The following TRPC6 variants were observed in gnomAD, a reference collection of about 807,000 sequenced individuals.
TRPC6 encodes the protein short transient receptor potential channel 6.
TRPC6 carries 55 observed loss-of-function variants against 90.7 expected under a neutral mutation model. The ratio of observed to expected loss-of-function variants is 0.61; its 90% confidence interval spans 0.49 to 0.76. TRPC6 has a LOEUF of 0.76. Ranked by LOEUF, TRPC6 falls within the 30% of genes least tolerant of loss-of-function variation. The probability of loss-of-function intolerance (pLI) is 0.00; values close to 1 mark genes in which losing one functional copy is unlikely to be tolerated. For missense variants in TRPC6, 989 were observed against 1,122.7 expected (o/e 0.88, Z 1.70); for synonymous variants, 393 against 393.0 (o/e 1.00, Z 0.00).
intron 1 of TRPC6, among the ~76,000 whole-genome samples, chr11:101,543,284 A>T (rs1006965907): frequency 2.0e-5 from 3 of 152,102 alleles, no homozygotes; most frequent in Non-Finnish European, 2.9e-5. Flanking sequence ...CCATTTTGAA[A>T]AGCACTTTGG....
chr11:101,548,381 A>G (rs1240218222), intron 1 of TRPC6, among the ~76,000 whole-genome samples: 1 of 143,566 alleles, frequency 7.0e-6, no homozygotes, highest in African/African-American at 2.5e-5. Flanking sequence ...TATAATATAT[A>G]AATATATTAT....
At chr11:101,500,850 T>C (rs1294560604) in intron 2 of TRPC6, among the ~76,000 whole-genome samples, 1 of 152,128 alleles carries the variant, frequency 6.6e-6, no homozygotes, top group Non-Finnish European at 1.5e-5. Flanking sequence ...AAAGAAGATG[T>C]TGTTCGCTTA....
At chr11:101,470,019 A>G (rs1212689436) in intron 9 of TRPC6, among the ~76,000 whole-genome samples, 2 of 152,226 alleles carry the variant, frequency 1.3e-5, no homozygotes, top group African/African-American at 4.8e-5. Context: ...TGCAGGAATT[A>G]CAACATTTTC....
intron 1 of TRPC6, among the ~76,000 whole-genome samples, chr11:101,567,769 G>A (rs868546074): frequency 2.6e-5 from 4 of 152,200 alleles, no homozygotes; most frequent in Non-Finnish European, 2.9e-5. Flanking sequence ...AACCTGCAGC[G>A]GAGGGGCCTG....
chr11:101,505,429 G>C (rs996179611), intron 1 of TRPC6, among the ~76,000 whole-genome samples: 1 of 152,140 alleles, frequency 6.6e-6, no homozygotes, highest in Admixed American at 6.5e-5. Flanking sequence ...GAGAGAAAAT[G>C]ACAAGCTGAA....
rs573799892 is a variant in TRPC6 at position 101,464,086 on chromosome 11, G to T, written c.2484+5341C>A. On this transcript the variant is annotated intron_variant, in intron 10 of 12. Coordinates refer to ENST00000344327, the MANE Select transcript of TRPC6 (RefSeq NM_004621.6). ...TTACCCAGTAGTCATTCAGGAGCAGGTTGTTCAGTTTCTATGTAGTTGTGC... is the reference window on the plus strand; with the variant it reads ...TTACCCAGTAGTCATTCAGGAGCAGTTTGTTCAGTTTCTATGTAGTTGTGC... Among the ~76,000 whole-genome samples the T allele has an allele frequency of 2.0e-5, 3 of 152,164 alleles. No homozygotes were observed. In the East Asian group the frequency reaches 5.8e-4, roughly 29 times the overall value.
intron 1 of TRPC6, among the ~76,000 whole-genome samples, chr11:101,548,849 A>G (rs1565238990): frequency 6.6e-6 from 1 of 152,010 alleles, no homozygotes; most frequent in Non-Finnish European, 1.5e-5. Flanking sequence ...GGTGTAGAAG[A>G]GTATGAAGAT....
At chr11:101,490,595 A>G (rs1859781892) in intron 3 of TRPC6, among the ~76,000 whole-genome samples, 1 of 152,134 alleles carries the variant, frequency 6.6e-6, no homozygotes, top group African/African-American at 2.4e-5. Flanking sequence ...AGCTGAGACT[A>G]CAGGTGCACG....
chr11:101,501,080 A>AATACATAC (rs60962933), intron 2 of TRPC6, among the ~76,000 whole-genome samples: 2,520 of 146,024 alleles, frequency 0.017, 39 homozygotes, highest in East Asian at 0.036. Context: ...AAGGGAGCAA[A>AATACATAC]ATACATACAT....
At chr11:101,569,013 T>C (rs764530727) in intron 1 of TRPC6, among the ~76,000 whole-genome samples, 14 of 152,232 alleles carry the variant, frequency 9.2e-5, no homozygotes, top group Non-Finnish European at 1.8e-4. Context: ...CATAACAATA[T>C]TGACCTTAAA....
intron 10 of TRPC6, among the ~76,000 whole-genome samples, chr11:101,459,613 A>G (rs1022684746): frequency 2.0e-5 from 3 of 152,188 alleles, no homozygotes; most frequent in African/African-American, 7.2e-5. Context: ...ATTTTTAGAG[A>G]AGCTACAGGG....
intron 11 of TRPC6, among the ~76,000 whole-genome samples, chr11:101,454,143 T>A (rs1186076439): frequency 6.6e-6 from 1 of 152,164 alleles, no homozygotes; most frequent in East Asian, 1.9e-4. Flanking sequence ...TGGAACCAAT[T>A]TTTATTTTAA....
At chr11:101,456,330 GA>G (rs1858881568) in intron 10 of TRPC6, among the ~76,000 whole-genome samples, 1 of 152,124 alleles carries the variant, frequency 6.6e-6, no homozygotes, top group South Asian at 2.1e-4. Context: ...ACTAATTTAT[GA>G]ATTTGTGAAA....
chr11:101,511,515 A>T (rs1860393355), intron 1 of TRPC6, among the ~76,000 whole-genome samples: 1 of 152,162 alleles, frequency 6.6e-6, no homozygotes. Flanking sequence ...AACCCTACAC[A>T]GAAAAAAAGG....
chr11:101,453,173 G>C, intron 12 of TRPC6, 67 bp from the exon 13 acceptor site: 1 of 1,461,798 alleles, frequency 6.8e-7, no homozygotes, highest in Non-Finnish European at 9.6e-7. Context: ...GTGACTGTGG[G>C]ACAGGAGGAA....
chr11:101,537,047 A>C (rs186790729), intron 1 of TRPC6, among the ~76,000 whole-genome samples: 1 of 152,324 alleles, frequency 6.6e-6, no homozygotes, highest in East Asian at 1.9e-4. Flanking sequence ...TGTGTTTACC[A>C]AGTGTCTGGA....
chr11:101,562,591 C>G (rs1325452470), intron 1 of TRPC6, among the ~76,000 whole-genome samples: 1 of 152,136 alleles, frequency 6.6e-6, no homozygotes, highest in Non-Finnish European at 1.5e-5. Flanking sequence ...TCCTAGTTTA[C>G]ATAATAAAAT....
intron 1 of TRPC6, among the ~76,000 whole-genome samples, chr11:101,567,227 C>A (rs1861856663): frequency 1.3e-5 from 2 of 152,098 alleles, no homozygotes; most frequent in Non-Finnish European, 2.9e-5. Flanking sequence ...CGGTTTTATC[C>A]TCACAGTATA....
Position 101,504,302 on chromosome 11 carries a change from T to C in TRPC6, c.667A>G (p.Ile223Val), listed in dbSNP as rs150033580. The C allele has an allele frequency of 1.0e-4, 167 of 1,613,282 alleles. 1 individual carries two copies. The Middle Eastern group carries it at 1.8e-3, about 18-fold the overall frequency. Residue 223 changes from isoleucine (I) to valine (V), a missense_variant, in exon 2 of 13, where the codon ATC becomes GTC. By Grantham distance (29) the Ile-to-Val change is conservative. Around this residue, in one of 4 missense-constraint regions of TRPC6, gnomAD observed 486 missense variants for 591.9 expected, o/e 0.82. Coordinates refer to ENST00000344327, the MANE Select transcript of TRPC6 (RefSeq NM_004621.6). ...TCCTGGCAGTGGGCAGCCAGAATGA[T>C]TGGAGTCACATCATGGGAGAACCGT... ...GTRFSHDVTP[I>V]ILAAHCQEYE...
Sources: allele counts gnomAD v4.1 joint callset (sites outside exome capture counted in the v4.1 genomes callset), GRCh38; gene constraint gnomAD v4.1.1; regional missense constraint gnomAD v4.1.1; transcripts MANE v1.5; gene names NCBI Gene and HGNC (gene_info 2026-07-23, HGNC 2026-07-21).